RNF169: variants seen among roughly 807,000 people sequenced by gnomAD.
The protein encoded by RNF169 is ring finger protein 169, also known as E3 ubiquitin-protein ligase RNF169.
A neutral mutation model predicts 53.9 loss-of-function variants in RNF169; 24 were observed. The observed-to-expected ratio is 0.45, with a 90% confidence interval of 0.32 to 0.63. The LOEUF is 0.63. RNF169 is among the 20% of genes least tolerant of loss of function. RNF169 has a pLI of 0.04. For synonymous variants in RNF169, 396 were observed against 363.5 expected (o/e 1.09, Z -1.02); for missense variants, 883 against 906.2 (o/e 0.97, Z 0.33).
At chr11:74,801,484 A>G (rs1591414499) in intron 2 of RNF169, among the ~76,000 whole-genome samples, 1 of 152,236 alleles carries the variant, frequency 6.6e-6, no homozygotes, top group African/African-American at 2.4e-5. Context: ...TTGATTAACT[A>G]GTTTATGTTC....
chr11:74,758,616 C>T (rs1471914005), intron 1 of RNF169, among the ~76,000 whole-genome samples: 3,209 of 151,766 alleles, frequency 0.021, 106 homozygotes, highest in African/African-American at 0.073. Flanking sequence ...ATTCTCCTGC[C>T]TCAGCCTCCC....
At chr11:74,834,895 T>G (rs1239947224) in intron 5 of RNF169, 120 bp downstream of exon 5, 2 of 610,434 alleles carry the variant, frequency 3.3e-6, no homozygotes, top group Non-Finnish European at 5.6e-6. Flanking sequence ...GGCATACTAG[T>G]TATATTGGAG....
chr11:74,779,490 G>T lies in RNF169; in HGVS notation c.503-10136G>T, dbSNP rs149254882. Among the ~76,000 whole-genome samples, 8 of 152,228 alleles carry T rather than the reference G, an allele frequency of 5.3e-5. No homozygotes were observed. In the East Asian group the frequency reaches 1.5e-3, roughly 29 times the overall value. The stretch of plus-strand genomic sequence containing the variant: ...ACTGTTACTTGTCTTAGGCAAGGGG[G>T]TAGGTGAAAATTGCATTTGTTTAAG... On this transcript the variant is annotated intron_variant, in intron 1 of 5. Transcript: ENST00000299563.
chr11:74,751,273 A>G (rs1354935070), intron 1 of RNF169, among the ~76,000 whole-genome samples: 1 of 152,200 alleles, frequency 6.6e-6, no homozygotes, highest in Non-Finnish European at 1.5e-5. Context: ...TAACTTGCCT[A>G]AGGATGAAAA....
intron 4 of RNF169, among the ~76,000 whole-genome samples, chr11:74,826,239 T>G (rs921185857): frequency 6.6e-6 from 1 of 152,060 alleles, no homozygotes; most frequent in African/African-American, 2.4e-5. Flanking sequence ...GACATGAGAA[T>G]CGCTTGAACC....
chr11:74,805,942 A>G (rs2035797520), intron 2 of RNF169, among the ~76,000 whole-genome samples: 1 of 152,146 alleles, frequency 6.6e-6, no homozygotes, highest in African/African-American at 2.4e-5. Flanking sequence ...CCTGGAACCA[A>G]TCCCCTACAT....
At chr11:74,815,511 G>A (rs1356105240) in intron 3 of RNF169, among the ~76,000 whole-genome samples, 4 of 151,914 alleles carry the variant, frequency 2.6e-5, no homozygotes, top group African/African-American at 7.3e-5. Context: ...TGCCGGGATC[G>A]TGCCACTGTA....
intron 1 of RNF169, among the ~76,000 whole-genome samples, chr11:74,761,429 T>C (rs1157159331): frequency 6.7e-6 from 1 of 148,946 alleles, no homozygotes; most frequent in Non-Finnish European, 1.5e-5. Flanking sequence ...CATTTTGGCA[T>C]GATTTTGCAG....
intron 3 of RNF169, among the ~76,000 whole-genome samples, chr11:74,811,803 A>G (rs1242972065): frequency 6.6e-6 from 1 of 152,216 alleles, no homozygotes; most frequent in Non-Finnish European, 1.5e-5. Flanking sequence ...GACTGCTACT[A>G]GAGAGGCTAC....
Position 74,748,872 on chromosome 11 carries a change from G to T in RNF169, c.-9G>T. On this transcript the variant is annotated 5_prime_UTR_variant, in exon 1 of 6. Transcript: ENST00000299563. ...TCGCAACCGACTCTCCCTTCAAACG[G>T]GAAACAAGATGGCGGCTGCAGGTCC... 1.4e-6 allele frequency: 2 copies of T among 1,407,030 alleles called. No individual in the cohort carries two copies. Among genetic ancestry groups the T allele is most frequent in the East Asian group, 2.8e-5 (1 of 35,144 alleles). The allele number at this position is 1,407,030 out of a possible 1,614,324, so 87.2% of individuals were successfully genotyped here. A position where few individuals can be genotyped will look rare whatever the true frequency, so the allele number is the denominator to read the frequency against.
intron 1 of RNF169, among the ~76,000 whole-genome samples, chr11:74,768,446 A>G (rs2035208252): frequency 6.6e-6 from 1 of 152,106 alleles, no homozygotes; most frequent in South Asian, 2.1e-4. Context: ...GTCTCTACTG[A>G]AAATACAAAA....
chr11:74,829,067 T>C (rs1235695532), intron 4 of RNF169, among the ~76,000 whole-genome samples: 1 of 152,116 alleles, frequency 6.6e-6, no homozygotes, highest in Non-Finnish European at 1.5e-5. Context: ...ACCTATGGAA[T>C]GGGAGAAAAA....
chr11:74,763,325 A>G (rs2035119340), intron 1 of RNF169, among the ~76,000 whole-genome samples: 1 of 152,198 alleles, frequency 6.6e-6, no homozygotes, highest in South Asian at 2.1e-4. Context: ...AAAATGACAC[A>G]TGAGGAAATG....
chr11:74,760,205 T>G (rs996351218), intron 1 of RNF169, among the ~76,000 whole-genome samples: 1 of 151,732 alleles, frequency 6.6e-6, no homozygotes, highest in Non-Finnish European at 1.5e-5. Flanking sequence ...CTCTCTTTTT[T>G]TCTTTATTAG....
intron 1 of RNF169, among the ~76,000 whole-genome samples, chr11:74,771,142 A>G (rs958277003): frequency 6.6e-5 from 10 of 152,068 alleles, no homozygotes; most frequent in African/African-American, 2.2e-4. Context: ...TCATACTAAC[A>G]TTAAGGTTAC....
chr11:74,803,647 C>T (rs2035765055), intron 2 of RNF169, among the ~76,000 whole-genome samples: 1 of 152,032 alleles, frequency 6.6e-6, no homozygotes, highest in African/African-American at 2.4e-5. Flanking sequence ...TAATCATCAC[C>T]CAGCACCTGA....
intron 4 of RNF169, among the ~76,000 whole-genome samples, chr11:74,820,562 A>T (rs1565185369): frequency 6.6e-6 from 1 of 152,000 alleles, no homozygotes; most frequent in Non-Finnish European, 1.5e-5. Flanking sequence ...TTATGAGAAG[A>T]TGATGAAGCA....
At chr11:74,808,646 AC>A (rs1354748388) in intron 2 of RNF169, among the ~76,000 whole-genome samples, 1 of 152,242 alleles carries the variant, frequency 6.6e-6, no homozygotes, top group Admixed American at 6.5e-5. Flanking sequence ...TTGGCTAAGC[AC>A]CTGACACGTA....
In RNF169 at chr11:74,838,375, C is replaced by T. The variant is rs1479613406; in HGVS notation, c.*1645C>T. On this transcript the variant is annotated 3_prime_UTR_variant, in exon 6 of 6. Coordinates refer to ENST00000299563, the MANE Select transcript of RNF169 (RefSeq NM_001098638.2). ...GAGAGAGAGAATGTAATGTCTGAGA[C>T]TAGCCAGCAGCTATTTGAAGCCTCT... 1 of 152,176 alleles carries T rather than the reference C, an allele frequency of 6.6e-6. No homozygotes were observed. The highest frequency in any genetic ancestry group is 1.5e-5 in the Non-Finnish European group (1 of 68,038). 9.4% of individuals were successfully genotyped at this position (152,176 alleles called of 1,614,324 possible).
Sources: allele counts gnomAD v4.1 joint callset (sites outside exome capture counted in the v4.1 genomes callset), GRCh38; gene constraint gnomAD v4.1.1; transcripts MANE v1.5; gene names NCBI Gene and HGNC (gene_info 2026-07-23, HGNC 2026-07-21).